Variants in SH3BGR observed in about 807,000 individuals in gnomAD.
The protein encoded by SH3BGR is SH3 domain-binding glutamic acid-rich protein.
Under a neutral mutation model 24.5 loss-of-function variants are expected in SH3BGR, and 29 were observed. That is an observed-to-expected ratio of 1.18 (90% CI 0.88 to 1.61). SH3BGR has a LOEUF of 1.61. Among genes scored for constraint, SH3BGR ranks in the 40% most tolerant of loss-of-function variants. The pLI is 0.00. For synonymous variants in SH3BGR, 55 were observed against 65.7 expected (o/e 0.84, Z 0.79); for missense variants, 162 against 205.8 (o/e 0.79, Z 1.30).
At chr21:39,476,848 T>C (rs1339457357) in intron 3 of SH3BGR, among the ~76,000 whole-genome samples, 1 of 152,198 alleles carries the variant, frequency 6.6e-6, no homozygotes, top group Non-Finnish European at 1.5e-5. Flanking sequence ...TGGTCAATAA[T>C]AATGTGGCAA....
chr21:39,470,852 A>G (rs969080108), intron 2 of SH3BGR, among the ~76,000 whole-genome samples: 1 of 151,938 alleles, frequency 6.6e-6, no homozygotes, highest in African/African-American at 2.4e-5. Flanking sequence ...TAACTTCTCT[A>G]AGTTTTTGTT....
At chr21:39,484,106 G>T (rs1202578541) in intron 3 of SH3BGR, among the ~76,000 whole-genome samples, 2 of 152,196 alleles carry the variant, frequency 1.3e-5, no homozygotes, top group Non-Finnish European at 2.9e-5. Context: ...TATTGTAAAG[G>T]GCCTTCTGTG....
intron 2 of SH3BGR, among the ~76,000 whole-genome samples, chr21:39,463,483 A>C (rs2077789894): frequency 6.6e-6 from 1 of 152,226 alleles, no homozygotes. Context: ...TTTGCAGATG[A>C]GGAAATGAGA....
At chr21:39,482,079 A>G (rs1380319736) in intron 3 of SH3BGR, among the ~76,000 whole-genome samples, 4 of 152,264 alleles carry the variant, frequency 2.6e-5, no homozygotes, top group Non-Finnish European at 5.9e-5. Context: ...TGCCTGTTGC[A>G]AACGTGAAGT....
intron 4 of SH3BGR, among the ~76,000 whole-genome samples, chr21:39,501,973 G>C (rs150879384): frequency 0.034 from 5,156 of 152,304 alleles, 95 homozygotes; most frequent in Middle Eastern, 0.071. Flanking sequence ...AAGAGTTTGA[G>C]ATCAGTCTGG....
chr21:39,477,779 A>T (rs74431772), intron 3 of SH3BGR, among the ~76,000 whole-genome samples: 1 of 152,152 alleles, frequency 6.6e-6, no homozygotes, highest in Non-Finnish European at 1.5e-5. Flanking sequence ...TTACTGTGCT[A>T]TGAGGAGGGA....
rs1054627894 is a variant in SH3BGR, at chr21:39,511,014, A to T, written c.436-666A>T. On this transcript the variant is annotated intron_variant, in intron 5 of 6. Coordinates refer to ENST00000333634, the MANE Select transcript of SH3BGR (RefSeq NM_007341.3). The surrounding 1 kb of genome is among the most constrained non-coding windows in gnomAD (Gnocchi z 4.2). ...TAATATGAGTGGAGACTGTACACTT[A>T]GGTGGGATTATAAAACCTGTTAGGA... Among the ~76,000 whole-genome samples, 1 of 149,344 alleles carries T rather than the reference A, an allele frequency of 6.7e-6. No individual in the cohort carries two copies. Among genetic ancestry groups the T allele is most frequent in the Non-Finnish European group, 1.5e-5 (1 of 67,570 alleles).
chr21:39,509,878 A>G (rs2078646613), intron 5 of SH3BGR, among the ~76,000 whole-genome samples: 1 of 152,224 alleles, frequency 6.6e-6, no homozygotes, highest in Non-Finnish European at 1.5e-5. Context: ...ATGTTTCAGC[A>G]CAAGGTCATC....
intron 1 of SH3BGR, 130 bp downstream of exon 1, chr21:39,452,271 G>A (rs925884902): frequency 5.7e-6 from 6 of 1,046,402 alleles, no homozygotes; most frequent in East Asian, 4.8e-5. Context: ...AAGTATGTGC[G>A]CCCTTTGCTT....
intron 3 of SH3BGR, among the ~76,000 whole-genome samples, chr21:39,489,110 A>G (rs1410897654): frequency 1.3e-5 from 2 of 152,236 alleles, no homozygotes; most frequent in African/African-American, 2.4e-5. Flanking sequence ...AGTGAAAGGT[A>G]CAAGTTTGCA....
chr21:39,500,400 A>G (rs914407568), intron 4 of SH3BGR, among the ~76,000 whole-genome samples: 13 of 152,156 alleles, frequency 8.5e-5, no homozygotes, highest in African/African-American at 2.9e-4. Flanking sequence ...TTTAAGTTCA[A>G]TCAGGGAAAT....
chr21:39,490,390 C>T (rs750294065), intron 3 of SH3BGR, among the ~76,000 whole-genome samples: 2 of 152,126 alleles, frequency 1.3e-5, no homozygotes, highest in East Asian at 1.9e-4. Context: ...AGAGACGATC[C>T]GTTTGGATTT....
At chr21:39,492,080 T>C (rs1165320918) in intron 3 of SH3BGR, among the ~76,000 whole-genome samples, 1 of 152,234 alleles carries the variant, frequency 6.6e-6, no homozygotes, top group Non-Finnish European at 1.5e-5. Flanking sequence ...TATGTATGTA[T>C]TTTTTAAGTT....
Position 39,511,597 on chromosome 21 carries a change from A to T in SH3BGR, c.436-83A>T. On this transcript the variant is annotated intron_variant, in intron 5 of 6. Coordinates refer to ENST00000333634, the MANE Select transcript of SH3BGR (RefSeq NM_007341.3). The surrounding 1 kb of genome is among the most constrained non-coding windows in gnomAD (Gnocchi z 4.2). ...TGGGGTGTGGGAGGCTTTGACCTCT[A>T]GTCCAGCATTTTACAGTCTTTTTCT... 7.1e-7 allele frequency: 1 copy of T among 1,417,330 alleles called. No homozygotes were observed. The highest frequency in any genetic ancestry group is 9.7e-7 in the Non-Finnish European group (1 of 1,033,784). The allele number at this position is 1,417,330 out of a possible 1,614,324, so 87.8% of individuals were successfully genotyped here.
intron 4 of SH3BGR, among the ~76,000 whole-genome samples, chr21:39,505,994 T>G (rs2078576247): frequency 6.6e-6 from 1 of 152,228 alleles, no homozygotes; most frequent in South Asian, 2.1e-4. Context: ...TGAATTTTAT[T>G]CTGATCCTAT....
At chr21:39,513,216 C>T (rs1055162095) in intron 6 of SH3BGR, among the ~76,000 whole-genome samples, 2 of 152,142 alleles carry the variant, frequency 1.3e-5, no homozygotes, top group African/African-American at 4.8e-5. Flanking sequence ...CAAAAGCTGA[C>T]TTGTCAAAGA....
chr21:39,506,443 T>C (rs1251990446), intron 4 of SH3BGR, among the ~76,000 whole-genome samples: 1 of 152,198 alleles, frequency 6.6e-6, no homozygotes, highest in African/African-American at 2.4e-5. Flanking sequence ...TAGTCTGTTC[T>C]CACGCTGCTA....
At chr21:39,514,768 T>G (rs1056039532) in intron 6 of SH3BGR, among the ~76,000 whole-genome samples, 1 of 152,220 alleles carries the variant, frequency 6.6e-6, no homozygotes, top group Non-Finnish European at 1.5e-5. Context: ...GGTGTAGCCA[T>G]GAACCATTTA....
chr21:39,482,101 C>T (rs1175029058), intron 3 of SH3BGR, among the ~76,000 whole-genome samples: 1 of 152,184 alleles, frequency 6.6e-6, no homozygotes, highest in African/African-American at 2.4e-5. Flanking sequence ...CATAGTCTCA[C>T]CAGTCAAGTG....
Sources: gnomAD v4.1 joint callset for allele counts (sites outside exome capture counted in the v4.1 genomes callset) on GRCh38, gnomAD v4.1.1 for gene constraint, Gnocchi (gnomAD v3.1) non-coding constraint, MANE v1.5 for transcripts, NCBI Gene and HGNC (gene_info 2026-07-23, HGNC 2026-07-21) for gene names.